Variants in EXOC4 observed in about 807,000 individuals in gnomAD.
EXOC4 encodes exocyst complex component 4.
A neutral mutation model predicts 107.2 loss-of-function variants in EXOC4; 71 were observed. The ratio of observed to expected loss-of-function variants is 0.66; its 90% CI spans 0.55 to 0.81. EXOC4 has a LOEUF of 0.81. Among genes scored for constraint, EXOC4 ranks in the 30% least tolerant of loss-of-function variants. EXOC4 has a pLI of 0.00. For missense variants in EXOC4, 1,108 were observed against 1,189.6 expected (o/e 0.93, Z 1.01); for synonymous variants, 456 against 441.2 (o/e 1.03, Z -0.42).
At chr7:133,678,876 T>C (rs1320055307) in intron 10 of EXOC4, among the ~76,000 whole-genome samples, 1 of 152,124 alleles carries the variant, frequency 6.6e-6, no homozygotes, top group Non-Finnish European at 1.5e-5. Context: ...CGCCTTGACC[T>C]CCCAAAGTGC....
chr7:133,876,221 G>GT (rs3221298), intron 11 of EXOC4, among the ~76,000 whole-genome samples: 1 of 147,194 alleles, frequency 6.8e-6, no homozygotes, highest in Admixed American at 6.8e-5. Flanking sequence ...AGAATGAAGA[G>GT]GTGTGTGTGT....
At chr7:133,637,944 T>C (rs2042000) in intron 10 of EXOC4, among the ~76,000 whole-genome samples, 69,146 of 152,044 alleles carry the variant, frequency 0.45, 15,994 homozygotes, top group South Asian at 0.62. Flanking sequence ...CATGTATCTA[T>C]GCACATTTCA....
chr7:133,267,184 A>T (rs893905601), intron 1 of EXOC4, among the ~76,000 whole-genome samples: 2 of 152,188 alleles, frequency 1.3e-5, no homozygotes, highest in African/African-American at 4.8e-5. Context: ...AGATATTGTT[A>T]CTCAGTTTCA....
chr7:133,317,842 C>T (rs771194603), intron 5 of EXOC4, among the ~76,000 whole-genome samples: 2 of 152,020 alleles, frequency 1.3e-5, no homozygotes, highest in Non-Finnish European at 2.9e-5. Context: ...CCACCATGCC[C>T]AGCTAATTTT....
intron 6 of EXOC4, among the ~76,000 whole-genome samples, chr7:133,361,566 C>G (rs1796137617): frequency 6.6e-6 from 1 of 152,178 alleles, no homozygotes; most frequent in Non-Finnish European, 1.5e-5. Flanking sequence ...TTAACTGTTG[C>G]CAACTGTGCT....
At chr7:133,919,055 A>T (rs2116642462) in intron 13 of EXOC4, among the ~76,000 whole-genome samples, 1 of 152,296 alleles carries the variant, frequency 6.6e-6, no homozygotes, top group East Asian at 1.9e-4. Flanking sequence ...TTTCTGTAGC[A>T]TCATGTTAAA....
At chr7:134,076,378 C>T in the EXOC4 span, among the ~76,000 whole-genome samples, 18 of 152,128 alleles carry the variant, frequency 1.2e-4, no homozygotes, top group East Asian at 2.5e-3. Context: ...ATTAGCTGGG[C>T]GTGGTGGCAG....
chr7:133,877,917 G>T (rs1199329374), intron 11 of EXOC4, among the ~76,000 whole-genome samples: 5 of 152,106 alleles, frequency 3.3e-5, no homozygotes, highest in African/African-American at 9.7e-5. Context: ...CTCTGTCCAG[G>T]TCCCTTCTTC....
intron 9 of EXOC4, among the ~76,000 whole-genome samples, chr7:133,565,312 A>C (rs151156967): frequency 9.0e-4 from 137 of 152,324 alleles, no homozygotes; most frequent in African/African-American, 3.2e-3. Flanking sequence ...AGTAGTCAAT[A>C]ATTATAGTCT....
intron 7 of EXOC4, among the ~76,000 whole-genome samples, chr7:133,380,971 G>A (rs1245543513): frequency 6.6e-6 from 1 of 152,046 alleles, no homozygotes; most frequent in South Asian, 2.1e-4. Context: ...ACTTTTCTTC[G>A]CCTCTTAACT....
chr7:133,541,223 T>C (rs897818673), intron 9 of EXOC4, among the ~76,000 whole-genome samples: 1 of 152,196 alleles, frequency 6.6e-6, no homozygotes, highest in Non-Finnish European at 1.5e-5. Flanking sequence ...AAGTATCAGC[T>C]AGAAGTATAG....
At chr7:133,288,093 A>G (rs1334407198) in intron 2 of EXOC4, among the ~76,000 whole-genome samples, 1 of 152,234 alleles carries the variant, frequency 6.6e-6, no homozygotes, top group Non-Finnish European at 1.5e-5. Context: ...ATAAAAATAC[A>G]TGTGAGGACT....
In EXOC4 at chr7:133,630,011, G is replaced by T. The variant is rs372406887; in HGVS notation, c.1418-34G>T. 2.0e-6 allele frequency: 3 copies of T among 1,493,552 alleles called. No individual in the cohort carries two copies. The African/African-American group carries it at 4.1e-5, about 21-fold the overall frequency. The allele number at this position is 1,493,552 out of a possible 1,614,324, so 92.5% of individuals were successfully genotyped here. ...TTTGTTTATTTATAAAAGTTTCAAT[G>T]AGCTAAGTCTGTTTTTTTTCTTTCT... On this transcript the variant is annotated intron_variant, in intron 9 of 17. Transcript: ENST00000253861.
chr7:134,070,752 G>T (rs765575827), downstream of EXOC4, among the ~76,000 whole-genome samples: 4 of 150,984 alleles, frequency 2.6e-5, no homozygotes, highest in African/African-American at 4.9e-5. Flanking sequence ...TAAGATGTAT[G>T]TGACCACTTA....
At chr7:133,858,104 G>A (rs1485482015) in intron 11 of EXOC4, among the ~76,000 whole-genome samples, 2 of 152,162 alleles carry the variant, frequency 1.3e-5, no homozygotes, top group South Asian at 2.1e-4. Flanking sequence ...GCATGTCATC[G>A]TCCGCAGCTC....
intron 7 of EXOC4, among the ~76,000 whole-genome samples, chr7:133,423,583 A>G (rs562632341): frequency 6.6e-6 from 1 of 152,162 alleles, no homozygotes; most frequent in Non-Finnish European, 1.5e-5. Context: ...ATTATTATGT[A>G]CCCTGTACCT....
chr7:133,682,004 A>G (rs1446078484), intron 10 of EXOC4, among the ~76,000 whole-genome samples: 18 of 152,068 alleles, frequency 1.2e-4, no homozygotes. Context: ...CCCAGGGTCC[A>G]TCAATCCTCC....
chr7:133,270,294 A>C (rs1398065616), intron 1 of EXOC4, among the ~76,000 whole-genome samples: 1 of 152,200 alleles, frequency 6.6e-6, no homozygotes, highest in Non-Finnish European at 1.5e-5. Flanking sequence ...GGCAGCATGA[A>C]AATGGATTAA....
chr7:133,621,781 A>G (rs913634007), intron 9 of EXOC4, among the ~76,000 whole-genome samples: 1 of 152,090 alleles, frequency 6.6e-6, no homozygotes, highest in Admixed American at 6.5e-5. Flanking sequence ...ACCTCTTAAT[A>G]CTGTTGCATG....
Sources: gnomAD v4.1 joint callset for allele counts (sites outside exome capture counted in the v4.1 genomes callset) on GRCh38, gnomAD v4.1.1 for gene constraint, MANE v1.5 for transcripts, NCBI Gene and HGNC (gene_info 2026-07-23, HGNC 2026-07-21) for gene names.